C1orf87: variants seen among roughly 807,000 people sequenced by gnomAD.
C1orf87 encodes chromosome 1 open reading frame 87.
Under a neutral mutation model 60.5 loss-of-function variants are expected in C1orf87, and 58 were observed. That is an observed-to-expected ratio of 0.96 (90% CI 0.78 to 1.19). C1orf87 has a LOEUF of 1.19. Ranked by LOEUF, C1orf87 falls within the 50% of genes most tolerant of loss-of-function variation. The probability of loss-of-function intolerance (pLI) is 0.00; values close to 1 mark genes in which losing one functional copy is unlikely to be tolerated. For missense variants in C1orf87, 673 were observed against 638.6 expected, an observed-to-expected ratio of 1.05 and a Z score of -0.58; for synonymous variants, 236 against 227.4, an observed-to-expected ratio of 1.04 and a Z score of -0.34.
intron 4 of C1orf87, 111 bp downstream of exon 4, chr1:60,040,880 A>T (rs780099699): frequency 1.5e-5 from 19 of 1,242,466 alleles, no homozygotes; most frequent in Non-Finnish European, 1.7e-5. Flanking sequence ...GGTGTAAGCC[A>T]CTATGACCAG....
intron 9 of C1orf87, among the ~76,000 whole-genome samples, chr1:60,003,520 C>A (rs1232094793): frequency 1.3e-5 from 2 of 151,862 alleles, no homozygotes; most frequent in African/African-American, 4.8e-5. Flanking sequence ...ATACCTGAAA[C>A]ACAGCGACTG....
At chr1:60,044,196 A>AT (rs912977795) in intron 3 of C1orf87, among the ~76,000 whole-genome samples, 33 of 151,696 alleles carry the variant, frequency 2.2e-4, no homozygotes, top group South Asian at 1.3e-3. Flanking sequence ...TGCCCGGCTA[A>AT]TTTTTTTGTA....
At chr1:60,061,002 A>G (rs1007855729) in intron 2 of C1orf87, among the ~76,000 whole-genome samples, 1 of 152,140 alleles carries the variant, frequency 6.6e-6, no homozygotes, top group Non-Finnish European at 1.5e-5. Context: ...CTCTTCACCA[A>G]TGATCTCTGT....
At chr1:59,994,047 C>T (rs1421159360) in intron 11 of C1orf87, among the ~76,000 whole-genome samples, 2 of 152,196 alleles carry the variant, frequency 1.3e-5, no homozygotes, top group Non-Finnish European at 2.9e-5. Context: ...GCGTGAGCCA[C>T]TGCACCCCAC....
intron 7 of C1orf87, among the ~76,000 whole-genome samples, chr1:60,031,251 T>C (rs1457403546): frequency 6.6e-6 from 1 of 152,202 alleles, no homozygotes; most frequent in African/African-American, 2.4e-5. Context: ...TGGGCTTCAA[T>C]TTGCCTCATG....
At chr1:60,040,650 T>C in intron 4 of C1orf87, among the ~76,000 whole-genome samples, 1 of 152,106 alleles carries the variant, frequency 6.6e-6, no homozygotes, top group East Asian at 1.9e-4. Context: ...AGGAGTTCGG[T>C]TGAAATTTTT....
chr1:60,013,189 CT>C (rs1447781565), intron 8 of C1orf87, among the ~76,000 whole-genome samples: 4 of 152,026 alleles, frequency 2.6e-5, no homozygotes, highest in Non-Finnish European at 5.9e-5. Context: ...TGCAAAGTTT[CT>C]TTAGTTGGGA....
At chr1:60,034,462 G>A (rs1383330350) in intron 6 of C1orf87, among the ~76,000 whole-genome samples, 3 of 152,194 alleles carry the variant, frequency 2.0e-5, no homozygotes, top group African/African-American at 7.2e-5. Context: ...TAGAGGGACA[G>A]TCCATGACAT....
chr1:60,041,289 G>A (rs991455378), intron 3 of C1orf87, among the ~76,000 whole-genome samples, 158 bp from the exon 4 acceptor site: 2 of 152,122 alleles, frequency 1.3e-5, no homozygotes, highest in East Asian at 1.9e-4. Context: ...TCATTGAATC[G>A]TCGTGAAGAA....
At chr1:60,006,457 C>A (rs1574296883) in intron 9 of C1orf87, among the ~76,000 whole-genome samples, 1 of 151,988 alleles carries the variant, frequency 6.6e-6, no homozygotes. Context: ...GGAGGCCAAG[C>A]CTTCACCATT....
Position 59,994,237 on chromosome 1 carries a change from G to C in C1orf87, c.1480+3372C>G, listed in dbSNP as rs373360362. Among the ~76,000 whole-genome samples the C allele has an allele frequency of 6.6e-5, 10 of 152,048 alleles. 1 individual carries two copies. In the East Asian group the frequency reaches 1.9e-3, roughly 29 times the overall value. ...ACTGGCTTTTACGGATCAACAATGGGTGGAGTCTGGATTTGAATCTAAATC... is the reference window on the plus strand; with the variant it reads ...ACTGGCTTTTACGGATCAACAATGGCTGGAGTCTGGATTTGAATCTAAATC... On this transcript the variant is annotated intron_variant, in intron 11 of 11. Coordinates refer to ENST00000371201, the MANE Select transcript of C1orf87 (RefSeq NM_152377.3).
At chr1:60,003,717 C>T (rs181746831) in intron 9 of C1orf87, among the ~76,000 whole-genome samples, 4 of 152,176 alleles carry the variant, frequency 2.6e-5, no homozygotes, top group African/African-American at 4.8e-5. Context: ...GAAGCCCCAG[C>T]ACCCCTCATT....
chr1:60,019,713 G>T (rs765306330), intron 8 of C1orf87, among the ~76,000 whole-genome samples: 1 of 152,168 alleles, frequency 6.6e-6, no homozygotes, highest in Non-Finnish European at 1.5e-5. Context: ...TTGGGAAATG[G>T]AGTAAAGGTC....
intron 3 of C1orf87, among the ~76,000 whole-genome samples, chr1:60,047,004 C>T (rs995959095): frequency 6.6e-6 from 1 of 152,196 alleles, no homozygotes; most frequent in African/African-American, 2.4e-5. Flanking sequence ...CAAATGCTAT[C>T]TAATTGCCTT....
At chr1:60,072,829 AACT>A (rs1177769077) in intron 1 of C1orf87, among the ~76,000 whole-genome samples, 159 bp from the exon 2 acceptor site, 1 of 152,254 alleles carries the variant, frequency 6.6e-6, no homozygotes, top group Non-Finnish European at 1.5e-5. Context: ...AGATATTTTT[AACT>A]ACTATTATCA....
At chr1:60,069,193 C>T (rs189665673) in intron 2 of C1orf87, among the ~76,000 whole-genome samples, 4 of 151,996 alleles carry the variant, frequency 2.6e-5, no homozygotes, top group Non-Finnish European at 5.9e-5. Flanking sequence ...GGTGGCAGCA[C>T]GTCATTAAAT....
chr1:60,025,893 G>C (rs1488416968), intron 7 of C1orf87, among the ~76,000 whole-genome samples: 1 of 152,150 alleles, frequency 6.6e-6, no homozygotes, highest in Non-Finnish European at 1.5e-5. Flanking sequence ...AAACAAGCTT[G>C]TTGTATTAGC....
chr1:60,012,695 G>C (rs529388589), intron 8 of C1orf87, among the ~76,000 whole-genome samples: 1 of 152,080 alleles, frequency 6.6e-6, no homozygotes, highest in African/African-American at 2.4e-5. Context: ...ACCTGATTTC[G>C]AATCCCACTT....
At chr1:60,036,717 C>T (rs1645279854) in intron 6 of C1orf87, among the ~76,000 whole-genome samples, 1 of 152,210 alleles carries the variant, frequency 6.6e-6, no homozygotes, top group African/African-American at 2.4e-5. Flanking sequence ...CTCCTAACCA[C>T]TGCAATTTGT....
Sources: gnomAD v4.1 joint callset for allele counts (sites outside exome capture counted in the v4.1 genomes callset) on GRCh38, gnomAD v4.1.1 for gene constraint, MANE v1.5 for transcripts, NCBI Gene and HGNC (gene_info 2026-07-23, HGNC 2026-07-21) for gene names.